Variants in SCARA5 observed in about 807,000 individuals in gnomAD.
SCARA5 encodes scavenger receptor class A member 5.
A neutral mutation model predicts 46.3 loss-of-function variants in SCARA5; 45 were observed. That is an observed-to-expected ratio of 0.97 (90% CI 0.76 to 1.24). The LOEUF (loss-of-function observed/expected upper bound fraction) is 1.24. Ranked by LOEUF, SCARA5 falls within the 50% of genes most tolerant of loss-of-function variation. SCARA5 has a pLI of 0.00. For synonymous variants in SCARA5, 333 were observed against 306.5 expected (o/e 1.09, Z -0.90); for missense variants, 680 against 689.0 (o/e 0.99, Z 0.15).
intron 2 of SCARA5, among the ~76,000 whole-genome samples, chr8:27,981,809 G>C (rs1442201104): frequency 6.6e-6 from 1 of 152,186 alleles, no homozygotes; most frequent in Non-Finnish European, 1.5e-5. Context: ...CTCTCTGCTT[G>C]GCATGGGCTG....
At chr8:27,905,895 G>T (rs1187643203) in intron 6 of SCARA5, among the ~76,000 whole-genome samples, 1 of 151,990 alleles carries the variant, frequency 6.6e-6, no homozygotes, top group African/African-American at 2.4e-5. Context: ...ATTTTTGGTA[G>T]AGATGGGGTT....
chr8:27,888,536 T>C (rs377452987), intron 7 of SCARA5, among the ~76,000 whole-genome samples: 8 of 152,222 alleles, frequency 5.3e-5, no homozygotes, highest in Admixed American at 3.9e-4. Flanking sequence ...AAATTTACCA[T>C]TGCCTTTAAA....
intron 2 of SCARA5, among the ~76,000 whole-genome samples, chr8:27,972,210 A>T (rs1421273558): frequency 6.6e-6 from 1 of 152,070 alleles, no homozygotes; most frequent in Non-Finnish European, 1.5e-5. Flanking sequence ...CCAGCTACCC[A>T]GGAGGCCGAA....
intron 7 of SCARA5, among the ~76,000 whole-genome samples, chr8:27,892,031 G>T (rs1806992404): frequency 6.6e-6 from 1 of 152,204 alleles, no homozygotes; most frequent in African/African-American, 2.4e-5. Context: ...GAAAGACCGT[G>T]AATCATTGGC....
intron 3 of SCARA5, among the ~76,000 whole-genome samples, chr8:27,942,120 C>T (rs117708128): frequency 0.051 from 7,811 of 152,158 alleles, 272 homozygotes; most frequent in Middle Eastern, 0.082. Context: ...TGAGCCACTG[C>T]GCCCAGCCCC....
intron 3 of SCARA5, among the ~76,000 whole-genome samples, chr8:27,948,519 C>T (rs1362171465): frequency 6.6e-6 from 1 of 152,176 alleles, no homozygotes; most frequent in African/African-American, 2.4e-5. Context: ...AGGTCAGGAC[C>T]GCCAGGCCAG....
At chr8:27,931,356 C>A (rs1407585124) in intron 3 of SCARA5, among the ~76,000 whole-genome samples, 5 of 152,178 alleles carry the variant, frequency 3.3e-5, no homozygotes, top group African/African-American at 9.7e-5. Context: ...CACAATGAAG[C>A]CTGTGCTGGG....
At chr8:27,953,861 A>G (rs1294672486) in intron 3 of SCARA5, among the ~76,000 whole-genome samples, 1 of 152,014 alleles carries the variant, frequency 6.6e-6, no homozygotes, top group Non-Finnish European at 1.5e-5. Context: ...TTTTTTTTTA[A>G]ATTGGCAGAG....
chr8:27,977,006 C>T (rs1052297285), intron 2 of SCARA5, among the ~76,000 whole-genome samples: 1 of 152,184 alleles, frequency 6.6e-6, no homozygotes, highest in Non-Finnish European at 1.5e-5. Context: ...CAGGGTGGCT[C>T]ATAAACACAA....
At chr8:27,936,549 A>G (rs1013370787) in intron 3 of SCARA5, among the ~76,000 whole-genome samples, 1 of 128,480 alleles carries the variant, frequency 7.8e-6, no homozygotes, top group Non-Finnish European at 1.6e-5. Context: ...AGATCACACC[A>G]CTGCACTCCA....
intron 3 of SCARA5, among the ~76,000 whole-genome samples, chr8:27,951,188 C>T (rs1361744354): frequency 6.6e-6 from 1 of 152,176 alleles, no homozygotes; most frequent in East Asian, 1.9e-4. Flanking sequence ...GTGAATGATA[C>T]AGAGGGATTC....
intron 8 of SCARA5, among the ~76,000 whole-genome samples, chr8:27,872,660 T>C (rs1023223400): frequency 2.0e-5 from 3 of 152,178 alleles, no homozygotes; most frequent in African/African-American, 7.2e-5. Flanking sequence ...CAATAAGCCC[T>C]TTGAGGCAGA....
At chr8:27,891,202 T>TG (rs1297876805) in intron 7 of SCARA5, among the ~76,000 whole-genome samples, 1 of 50,484 alleles carries the variant, frequency 2.0e-5, no homozygotes, top group African/African-American at 4.4e-5. Context: ...TAGGTTTGTT[T>TG]TTTTTTTGTT....
At chr8:27,950,036 C>A (rs1259355615) in intron 3 of SCARA5, among the ~76,000 whole-genome samples, 1 of 152,198 alleles carries the variant, frequency 6.6e-6, no homozygotes, top group Non-Finnish European at 1.5e-5. Flanking sequence ...GTGGCCAGCC[C>A]ACCGTGGCTC....
chr8:27,905,328 T>C (rs1163000142), intron 6 of SCARA5, among the ~76,000 whole-genome samples: 1 of 152,072 alleles, frequency 6.6e-6, no homozygotes, highest in African/African-American at 2.4e-5. Context: ...AAGACCTGTT[T>C]GGCCAGCTGG....
chr8:27,954,032 C>A (rs1808171449), intron 3 of SCARA5, among the ~76,000 whole-genome samples: 1 of 152,176 alleles, frequency 6.6e-6, no homozygotes, highest in South Asian at 2.1e-4. Flanking sequence ...CTTCCCCTCC[C>A]TGGGCCTCCG....
chr8:27,958,310 C>T (rs1468672969), intron 3 of SCARA5, among the ~76,000 whole-genome samples: 5 of 152,212 alleles, frequency 3.3e-5, no homozygotes, highest in East Asian at 1.9e-4. Flanking sequence ...CCCCCTCTTC[C>T]GGGGTCTGAG....
intron 3 of SCARA5, among the ~76,000 whole-genome samples, chr8:27,934,179 CA>C (rs1807820128): frequency 6.6e-6 from 1 of 152,138 alleles, no homozygotes; most frequent in Non-Finnish European, 1.5e-5. Context: ...GCTGAGAAGG[CA>C]GCTGATGGGC....
chr8:27,878,084 G>A (rs1033066155), intron 8 of SCARA5, among the ~76,000 whole-genome samples: 1 of 152,182 alleles, frequency 6.6e-6, no homozygotes, highest in South Asian at 2.1e-4. Flanking sequence ...GGTACGCCCG[G>A]CTCCACTCCA....
Sources: gnomAD v4.1 joint callset for allele counts (sites outside exome capture counted in the v4.1 genomes callset) on GRCh38, gnomAD v4.1.1 for gene constraint, MANE v1.5 for transcripts, NCBI Gene and HGNC (gene_info 2026-07-23, HGNC 2026-07-21) for gene names.